The following PCTP variants were observed in gnomAD, a reference collection of about 807,000 sequenced individuals.
PCTP encodes phosphatidylcholine transfer protein.
Under a neutral mutation model 31.0 loss-of-function variants are expected in PCTP, and 27 were observed. The ratio of observed to expected loss-of-function variants is 0.87; its 90% CI spans 0.64 to 1.20. PCTP has a LOEUF of 1.20. PCTP is among the 50% of genes most tolerant of loss of function. The pLI is 0.00. For missense variants in PCTP, 287 were observed against 268.2 expected, an observed-to-expected ratio of 1.07 and a Z score of -0.49; for synonymous variants, 108 against 101.2, an observed-to-expected ratio of 1.07 and a Z score of -0.40.
chr17:55,826,218 A>G (rs1905390381), downstream of PCTP, among the ~76,000 whole-genome samples: 1 of 152,166 alleles, frequency 6.6e-6, no homozygotes, highest in Non-Finnish European at 1.5e-5. Flanking sequence ...TTCTCTGCTC[A>G]TCAAAGGGCA....
At chr17:55,845,601 TC>T (rs951168416), downstream of PCTP, among the ~76,000 whole-genome samples, 2 of 152,322 alleles carry the variant, frequency 1.3e-5, no homozygotes, top group South Asian at 2.1e-4. Flanking sequence ...ATTTTGGGTT[TC>T]CCCTCCCCCA....
At chr17:55,827,530 C>T (rs77385421), downstream of PCTP, among the ~76,000 whole-genome samples, 3,759 of 152,322 alleles carry the variant, frequency 0.025, 141 homozygotes, top group African/African-American at 0.078. Flanking sequence ...TGTTACACAG[C>T]GTTAGCTGAA....
At chr17:55,785,838 G>C (rs1911728340) in intron 2 of PCTP, among the ~76,000 whole-genome samples, 1 of 152,188 alleles carries the variant, frequency 6.6e-6, no homozygotes, top group African/African-American at 2.4e-5. Flanking sequence ...CTTTGTACCA[G>C]GCTCCATATT....
At chr17:55,757,219 TATATATACACATATATACATGTATAC>T (rs1910079180) in intron 1 of PCTP, among the ~76,000 whole-genome samples, 2 of 149,778 alleles carry the variant, frequency 1.3e-5, no homozygotes, top group Admixed American at 1.3e-4. Flanking sequence ...TATATATGTA[TATATATACACATATATACATGTATAC>T]ATATATACAC....
intron 3 of PCTP, among the ~76,000 whole-genome samples, chr17:55,821,934 G>A (rs1913128616): frequency 6.6e-6 from 1 of 152,158 alleles, no homozygotes; most frequent in Admixed American, 6.5e-5. Flanking sequence ...TGGCTCCCAG[G>A]CGCTGTGGAT....
chr17:55,847,425 T>C (rs565743131), downstream of PCTP, among the ~76,000 whole-genome samples: 6 of 152,278 alleles, frequency 3.9e-5, no homozygotes, highest in Middle Eastern at 3.4e-3. Flanking sequence ...CCCTATATGT[T>C]GTTCTGGTGA....
intron 5 of PCTP, among the ~76,000 whole-genome samples, chr17:55,832,375 C>T (rs1049974550): frequency 1.3e-5 from 2 of 152,100 alleles, no homozygotes; most frequent in African/African-American, 4.8e-5. Context: ...TGCCTCAGGA[C>T]GTTTGAAGGG....
At chr17:55,788,306 C>A (rs928864746) in intron 3 of PCTP, among the ~76,000 whole-genome samples, 1 of 152,188 alleles carries the variant, frequency 6.6e-6, no homozygotes, top group Non-Finnish European at 1.5e-5. Context: ...AACAAACTGA[C>A]AAGCCTCTGA....
At chr17:55,796,688 C>T (rs1201905675) in intron 3 of PCTP, among the ~76,000 whole-genome samples, 1 of 151,864 alleles carries the variant, frequency 6.6e-6, no homozygotes, top group Non-Finnish European at 1.5e-5. Flanking sequence ...ATCTCCTGTG[C>T]ACATATGACT....
intron 1 of PCTP, among the ~76,000 whole-genome samples, chr17:55,752,497 A>G (rs1309177885): frequency 6.6e-6 from 1 of 152,238 alleles, no homozygotes; most frequent in African/African-American, 2.4e-5. Flanking sequence ...GCCAAGGTCA[A>G]GAAACCCTAC....
intron 5 of PCTP, among the ~76,000 whole-genome samples, chr17:55,836,103 C>T (rs1280011031): frequency 6.6e-6 from 1 of 152,100 alleles, no homozygotes; most frequent in Non-Finnish European, 1.5e-5. Context: ...ATAACATGAC[C>T]CAACCTTGTA....
intron 2 of PCTP, among the ~76,000 whole-genome samples, chr17:55,783,704 T>C (rs78299295): frequency 0.027 from 4,151 of 152,310 alleles, 189 homozygotes; most frequent in African/African-American, 0.095. Context: ...ATTTTAGGCC[T>C]GGTATTGAAT....
At chr17:55,763,718 A>T (rs1910471594) in intron 1 of PCTP, among the ~76,000 whole-genome samples, 1 of 152,220 alleles carries the variant, frequency 6.6e-6, no homozygotes. Context: ...ATGGGGTTAC[A>T]TGTCACCTTT....
At chr17:55,818,207 A>G (rs553472633) in intron 3 of PCTP, among the ~76,000 whole-genome samples, 73 of 152,312 alleles carry the variant, frequency 4.8e-4, no homozygotes, top group Middle Eastern at 3.4e-3. Flanking sequence ...AGAAACGGAG[A>G]TCGCATGATG....
In PCTP at chr17:55,777,132, T is replaced by C. The variant is rs1207551330; in HGVS notation, c.*1032T>C. ...TTCTACCACCAAAAAGACTTTTAGT[T>C]TTCTATGCTTTCTCCTGAATTTTGG... On this transcript the variant is annotated 3_prime_UTR_variant, in exon 6 of 6. Coordinates refer to ENST00000268896, the MANE Select transcript of PCTP (RefSeq NM_021213.4). 1.0e-6 allele frequency: 1 copy of C among 985,754 alleles called. No individual in the cohort carries two copies. Among genetic ancestry groups the C allele is most frequent in the East Asian group, 1.1e-4 (1 of 8,832 alleles). 61.1% of individuals were successfully genotyped at this position (985,754 alleles called of 1,614,324 possible). A position where few individuals can be genotyped will look rare whatever the true frequency, so the allele number is the denominator to read the frequency against.
rs116590160 is a variant in PCTP, at chr17:55,796,861, A to C, written c.317+9207A>C. 4.4e-3 allele frequency among the ~76,000 whole-genome samples: 666 copies of C among 152,112 alleles called. 6 individuals carry two copies. Among genetic ancestry groups the C allele is most frequent in the African/African-American group, 0.015 (628 of 41,554 alleles). On this transcript the variant is annotated intron_variant, in intron 3 of 3. Transcript: ENST00000572536. ...GATTATTTCTGTATGATTTTTACACATAATGAGTGTAAAAATGTCACAAAA... is the reference window on the plus strand; with the variant it reads ...GATTATTTCTGTATGATTTTTACACCTAATGAGTGTAAAAATGTCACAAAA...
chr17:55,800,774 G>T (rs1165615572), intron 3 of PCTP, among the ~76,000 whole-genome samples: 2 of 151,828 alleles, frequency 1.3e-5, no homozygotes, highest in South Asian at 2.1e-4. Flanking sequence ...ATCTACTTTT[G>T]GTCTTTGAAG....
intron 5 of PCTP, among the ~76,000 whole-genome samples, chr17:55,831,575 A>C (rs1293136311): frequency 6.6e-6 from 1 of 152,184 alleles, no homozygotes; most frequent in Non-Finnish European, 1.5e-5. Flanking sequence ...GGCTTCTTTA[A>C]AAAAAGGGTT....
chr17:55,798,701 G>A (rs1912267491), intron 3 of PCTP, among the ~76,000 whole-genome samples: 2 of 151,768 alleles, frequency 1.3e-5, no homozygotes, highest in Non-Finnish European at 2.9e-5. Flanking sequence ...GAATTTATTA[G>A]CAACAGAGTT....
Sources: gnomAD v4.1 joint callset for allele counts (sites outside exome capture counted in the v4.1 genomes callset) on GRCh38, gnomAD v4.1.1 for gene constraint, MANE v1.5 for transcripts, NCBI Gene and HGNC (gene_info 2026-07-23, HGNC 2026-07-21) for gene names.